The following ULK4 variants were observed in gnomAD, a reference collection of about 807,000 sequenced individuals.
ULK4 encodes unc-51 like kinase 4.
In ULK4, 133 loss-of-function variants were observed where a neutral mutation model predicts 160.6. The ratio of observed to expected loss-of-function variants is 0.83; its 90% CI spans 0.72 to 0.96. ULK4 has a LOEUF of 0.96. Among genes scored for constraint, ULK4 ranks in the 40% least tolerant of loss-of-function variants. The pLI, the probability that ULK4 is intolerant of heterozygous loss-of-function variation, is 0.00. For missense variants in ULK4, 1,580 were observed against 1,499.5 expected, an observed-to-expected ratio of 1.05 and a Z score of -0.89; for synonymous variants, 534 against 539.8, an observed-to-expected ratio of 0.99 and a Z score of 0.15.
chr3:41,858,509 A>ATT (rs552326948), intron 17 of ULK4, among the ~76,000 whole-genome samples: 9 of 124,498 alleles, frequency 7.2e-5, no homozygotes, highest in East Asian at 2.3e-4. Context: ...AAATTTTTCA[A>ATT]TTTTTTTTTT....
intron 35 of ULK4, among the ~76,000 whole-genome samples, chr3:41,335,607 T>C (rs985218952): frequency 3.3e-5 from 5 of 152,176 alleles, no homozygotes; most frequent in African/African-American, 9.7e-5. Flanking sequence ...GTGATGTGTG[T>C]AAACAGCTAT....
intron 30 of ULK4, among the ~76,000 whole-genome samples, chr3:41,648,928 G>A (rs2034623884): frequency 6.6e-6 from 1 of 152,040 alleles, no homozygotes; most frequent in African/African-American, 2.4e-5. Context: ...GAGCCCAGGA[G>A]ACCAGCCTGG....
At chr3:41,711,413 A>C (rs2037092478) in intron 25 of ULK4, among the ~76,000 whole-genome samples, 2 of 152,178 alleles carry the variant, frequency 1.3e-5, no homozygotes, top group African/African-American at 4.8e-5. Context: ...ACAGGGGCTG[A>C]AAAAAAGCTC....
intron 35 of ULK4, among the ~76,000 whole-genome samples, chr3:41,367,799 C>T (rs189780323): frequency 6.6e-6 from 1 of 152,250 alleles, no homozygotes; most frequent in Admixed American, 6.5e-5. Context: ...AAAATAAACA[C>T]ATGAACTTTT....
intron 35 of ULK4, among the ~76,000 whole-genome samples, chr3:41,332,152 T>C (rs1245923250): frequency 1.3e-5 from 2 of 151,590 alleles, no homozygotes; most frequent in African/African-American, 2.4e-5. Flanking sequence ...GGCCACTGTG[T>C]AGAGTGCAGG....
chr3:41,490,805 T>A (rs2084728075), intron 32 of ULK4, among the ~76,000 whole-genome samples: 1 of 152,160 alleles, frequency 6.6e-6, no homozygotes, highest in Admixed American at 6.5e-5. Flanking sequence ...TTAACTGGGA[T>A]AAGAGAGACT....
chr3:41,261,509 G>GTTGGCTGA (rs1217923395), intron 35 of ULK4, among the ~76,000 whole-genome samples: 5 of 152,158 alleles, frequency 3.3e-5, no homozygotes, highest in Admixed American at 2.6e-4. Flanking sequence ...TGGCAAAGTT[G>GTTGGCTGA]TTGGCTGATT....
At chr3:41,598,401 CCAGA>C (rs1266711468) in intron 31 of ULK4, among the ~76,000 whole-genome samples, 1 of 151,944 alleles carries the variant, frequency 6.6e-6, no homozygotes, top group African/African-American at 2.4e-5. Context: ...TCTCAGGAGA[CCAGA>C]CAGATAGAGA....
At chr3:41,807,077 G>A (rs9820447) in intron 19 of ULK4, among the ~76,000 whole-genome samples, 7,075 of 151,864 alleles carry the variant, frequency 0.047, 319 homozygotes, top group African/African-American at 0.12. Flanking sequence ...GCAGTGAGCC[G>A]AGATTGTGCC....
At chr3:41,937,886 A>G in intron 3 of ULK4, 1 of 355,628 alleles carries the variant, frequency 2.8e-6, no homozygotes, top group Non-Finnish European at 5.0e-6. Context: ...TATGTATATA[A>G]CGTAATAATA....
chr3:41,875,529 G>C (rs1345581325), intron 17 of ULK4, among the ~76,000 whole-genome samples: 1 of 152,182 alleles, frequency 6.6e-6, no homozygotes, highest in Non-Finnish European at 1.5e-5. Context: ...CTAGTTAGGA[G>C]GCTGAGGTGG....
chr3:41,573,304 A>T (rs1337303642), intron 31 of ULK4, among the ~76,000 whole-genome samples: 1 of 151,754 alleles, frequency 6.6e-6, no homozygotes, highest in African/African-American at 2.4e-5. Context: ...CAGCTTTGAA[A>T]TACCAAGGGC....
intron 30 of ULK4, among the ~76,000 whole-genome samples, chr3:41,624,272 T>C (rs1483343199): frequency 6.6e-6 from 1 of 152,188 alleles, no homozygotes; most frequent in Non-Finnish European, 1.5e-5. Flanking sequence ...AGGCCTGGGC[T>C]AAAATAACCA....
chr3:41,550,971 C>A (rs904009838), intron 32 of ULK4, among the ~76,000 whole-genome samples: 2 of 151,700 alleles, frequency 1.3e-5, no homozygotes, highest in African/African-American at 4.8e-5. Flanking sequence ...GAAATCAATA[C>A]CATAAAGAAT....
chr3:41,760,482 T>A (rs952746520), intron 21 of ULK4, among the ~76,000 whole-genome samples: 10 of 152,130 alleles, frequency 6.6e-5, no homozygotes, highest in African/African-American at 2.2e-4. Flanking sequence ...AATAGCAATA[T>A]TTAGTTATAA....
chr3:41,561,655 G>A (rs1465378057), intron 32 of ULK4, among the ~76,000 whole-genome samples: 1 of 152,148 alleles, frequency 6.6e-6, no homozygotes, highest in Non-Finnish European at 1.5e-5. Context: ...GTATAGAGGT[G>A]TTTATAGTAT....
intron 21 of ULK4, among the ~76,000 whole-genome samples, chr3:41,785,551 A>G (rs2039976528): frequency 1.3e-5 from 2 of 152,144 alleles, no homozygotes; most frequent in African/African-American, 4.8e-5. Context: ...TTCCATTGTA[A>G]AAGACCATAA....
chr3:41,536,586 T>C (rs939958870), intron 32 of ULK4, among the ~76,000 whole-genome samples: 23 of 152,352 alleles, frequency 1.5e-4, no homozygotes, highest in Non-Finnish European at 2.5e-4. Context: ...GTATTATGTA[T>C]TATTAACTGT....
chr3:41,742,502 C>T (rs2038276243), intron 22 of ULK4, among the ~76,000 whole-genome samples: 1 of 151,908 alleles, frequency 6.6e-6, no homozygotes, highest in African/African-American at 2.4e-5. Flanking sequence ...CACTCAGCAA[C>T]ATTAAGACTT....
Sources: allele counts gnomAD v4.1 joint callset (sites outside exome capture counted in the v4.1 genomes callset), GRCh38; gene constraint gnomAD v4.1.1; transcripts MANE v1.5; gene names NCBI Gene and HGNC (gene_info 2026-07-23, HGNC 2026-07-21).